The following NUP205 variants were observed in gnomAD, a reference collection of about 807,000 sequenced individuals.
The protein encoded by NUP205 is nuclear pore complex protein Nup205.
Under a neutral mutation model 253.8 loss-of-function variants are expected in NUP205, and 76 were observed. That is an observed-to-expected ratio of 0.30 (90% CI 0.25 to 0.36). The LOEUF (loss-of-function observed/expected upper bound fraction) is 0.36, where lower values mean the gene tolerates loss of function less well. Ranked by LOEUF, NUP205 falls within the 10% of genes least tolerant of loss-of-function variation. The pLI is 1.00. For missense variants in NUP205, 2,162 were observed against 2,425.5 expected (o/e 0.89, Z 2.28); for synonymous variants, 832 against 850.1 (o/e 0.98, Z 0.37).
chr7:135,591,748 T>G, intron 11 of NUP205, 148 bp downstream of exon 11: 1 of 636,614 alleles, frequency 1.6e-6, no homozygotes, highest in Non-Finnish European at 2.7e-6. Context: ...GAAGCATGCA[T>G]ACAGCTTTAT....
Position 135,597,354 on chromosome 7 carries a change from C to T in NUP205, c.2014-14C>T. 6.3e-7 allele frequency: 1 copy of T among 1,599,548 alleles called. No homozygotes were observed. The highest frequency in any genetic ancestry group is 8.6e-7 in the Non-Finnish European group (1 of 1,167,130). On this transcript the variant is annotated splice_polypyrimidine_tract_variant and intron_variant, in intron 13 of 42. Coordinates refer to ENST00000285968, the MANE Select transcript of NUP205 (RefSeq NM_015135.3). Reference sequence around the variant, plus strand: ...TGAGGAATGCTCCTGACATCTACTTCTTACTATTTTAAGATACTGCAGACC... The same window carrying T: ...TGAGGAATGCTCCTGACATCTACTTTTTACTATTTTAAGATACTGCAGACC...
At chr7:135,580,932 T>C (rs902048225) in intron 7 of NUP205, among the ~76,000 whole-genome samples, 1 of 152,154 alleles carries the variant, frequency 6.6e-6, no homozygotes, top group Non-Finnish European at 1.5e-5. Context: ...AAAAATAGGT[T>C]AGGAATCACA....
intron 30 of NUP205, among the ~76,000 whole-genome samples, chr7:135,620,617 T>G (rs1216263774): frequency 2.6e-5 from 4 of 152,246 alleles, no homozygotes; most frequent in Non-Finnish European, 5.9e-5. Context: ...CAATTGTTTC[T>G]AAATTTTTAT....
chr7:135,615,815 C>A, intron 23 of NUP205, 101 bp from the exon 24 acceptor site: 1 of 648,984 alleles, frequency 1.5e-6, no homozygotes, highest in Non-Finnish European at 2.4e-6. Context: ...AAATTATTGA[C>A]TTTGTTACAT....
At chr7:135,616,432 C>G (rs1161509326) in intron 24 of NUP205, among the ~76,000 whole-genome samples, 1 of 152,082 alleles carries the variant, frequency 6.6e-6, no homozygotes, top group Non-Finnish European at 1.5e-5. Flanking sequence ...TGATTATTCT[C>G]TTTACAATTG....
chr7:135,592,913 T>A (rs1350948700), intron 11 of NUP205, 74 bp from the exon 12 acceptor site: 2 of 1,117,786 alleles, frequency 1.8e-6, no homozygotes, highest in Non-Finnish European at 2.7e-6. Context: ...TTGTTTTAAA[T>A]TAATTTTCTC....
At chr7:135,586,923 A>G (rs1224087395) in intron 8 of NUP205, among the ~76,000 whole-genome samples, 2 of 152,206 alleles carry the variant, frequency 1.3e-5, no homozygotes, top group African/African-American at 2.4e-5. Flanking sequence ...ACAAGTGTCA[A>G]TTAAGTCAAG....
rs71174541 is a variant in NUP205, at chr7:135,641,681, AGGATCACCTGAGCCCAGGAGGTTGAGGT to A, written c.5393-1482_5393-1455del. Among the ~76,000 whole-genome samples the A allele has an allele frequency of 2.0e-4, 29 of 146,442 alleles. No homozygotes were observed. The South Asian group carries it at 4.1e-3, about 21-fold the overall frequency. On this transcript the variant is annotated intron_variant, in intron 38 of 42. Coordinates refer to ENST00000285968, the MANE Select transcript of NUP205 (RefSeq NM_015135.3). ...TAGCTACTTGGGAGGCTGAGGTGGG[AGGATCACCTGAGCCCAGGAGGTTGAGGT>A]GGATCACCTGAGCCCAGGAGGTTGA...
At chr7:135,559,609 G>A (rs780751705) in intron 1 of NUP205, among the ~76,000 whole-genome samples, 13 of 151,904 alleles carry the variant, frequency 8.6e-5, no homozygotes, top group South Asian at 4.2e-4. Context: ...GTCCTCAAGC[G>A]ATCTTTCTGC....
In NUP205 at chr7:135,618,508, G is replaced by C; in HGVS notation, c.3868G>C (p.Val1290Leu). 1 of 1,614,134 alleles carries C rather than the reference G, an allele frequency of 6.2e-7. No homozygotes were observed. Among genetic ancestry groups the C allele is most frequent in the Non-Finnish European group, 8.5e-7 (1 of 1,180,004 alleles). Residue 1290 changes from valine (V) to leucine (L), a missense_variant, in exon 28 of 43, where the codon GTA becomes CTA. Physicochemically the swap from Val to Leu is conservative, Grantham distance 32. This residue lies in a region of NUP205 where 1,144 missense variants were observed against 1,280.9 expected (regional missense o/e 0.89). Transcript: ENST00000285968. ...TGCTCTGGAGTCGTGGAGGCAACTA[G>C]TAGAAATTATACTGACAGCTTGTCC... is the stretch of plus-strand genomic sequence containing the variant. ...RHALESWRQLVEIILTACPQD... is the reference protein window; with the variant it reads ...RHALESWRQLLEIILTACPQD...
At chr7:135,631,835 C>T (rs926328785) in intron 35 of NUP205, among the ~76,000 whole-genome samples, 2 of 151,598 alleles carry the variant, frequency 1.3e-5, no homozygotes, top group African/African-American at 4.9e-5. Context: ...CTGCAAGCTC[C>T]GCCTCCCCGA....
Position 135,645,883 on chromosome 7 carries a change from A to T in NUP205, c.5813-275A>T, listed in dbSNP as rs1439475180. 6.9e-6 allele frequency: 4 copies of T among 576,054 alleles called. No individual in the cohort carries two copies. The South Asian group carries it at 9.0e-5, about 13-fold the overall frequency. 35.7% of individuals were successfully genotyped at this position (576,054 alleles called of 1,614,324 possible). A position where few individuals can be genotyped will look rare whatever the true frequency, so the allele number is the denominator to read the frequency against. ...AGAAGAATGGAGGAGGTCTGCTATT[A>T]TGCTGATTCTTATTGCTGGAGTGGG... On this transcript the variant is annotated intron_variant, in intron 41 of 42. Transcript: ENST00000285968.
chr7:135,621,730 A>T (rs934136725), intron 30 of NUP205, among the ~76,000 whole-genome samples: 2 of 152,202 alleles, frequency 1.3e-5, no homozygotes, highest in South Asian at 4.1e-4. Flanking sequence ...AAAAAAGAAT[A>T]AAAATATCTG....
Position 135,619,607 on chromosome 7 carries a change from A to T in NUP205, c.4148A>T (p.Asn1383Ile). The T allele has an allele frequency of 1.2e-6, 2 of 1,614,114 alleles. No individual in the cohort carries two copies. The highest frequency in any genetic ancestry group is 2.2e-5 in the East Asian group (1 of 44,890). Residue 1383 changes from asparagine (N) to isoleucine (I), a missense_variant, in exon 29 of 43, where the codon AAC becomes ATC. By Grantham distance (149) the Asn-to-Ile change is moderately radical. This residue lies in a region of NUP205 where 1,144 missense variants were observed against 1,280.9 expected (regional missense o/e 0.89). Coordinates refer to ENST00000285968, the MANE Select transcript of NUP205 (RefSeq NM_015135.3). ...SCFTSPPPEENPLVGFASIGD... is the reference protein window; with the variant it reads ...SCFTSPPPEEIPLVGFASIGD... ...TTCACCTCACCTCCTCCTGAAGAGA[A>T]CCCATTAGTGGGTTTTGCTTCTATT... is the stretch of plus-strand genomic sequence containing the variant.
rs189977939 is a variant in NUP205, at chr7:135,630,611, T to C, written c.5059+141T>C. ...GCTAACAGAGCCTTTATTTATGTAA[T>C]AAGTTTATGTTTATAAAATGATACA... On this transcript the variant is annotated intron_variant, in intron 35 of 42. Coordinates refer to ENST00000285968, the MANE Select transcript of NUP205 (RefSeq NM_015135.3). 25 of 612,878 alleles carry C rather than the reference T, an allele frequency of 4.1e-5. No homozygotes were observed. In the African/African-American group the frequency reaches 4.8e-4, roughly 12 times the overall value. The allele number at this position is 612,878 out of a possible 1,614,324, so 38.0% of individuals were successfully genotyped here.
Position 135,625,189 on chromosome 7 carries a change from G to C in NUP205, c.4505G>C (p.Arg1502Thr). ...ATGCTGGCCCTGGCTCTACTTGATA[G>C]AATTGTCTCCGTGGATAAACAGCAG... is the stretch of plus-strand genomic sequence containing the variant. ...GRMLALALLD[R>T]IVSVDKQQQW... is the part of the protein sequence containing the mutation. Residue 1502 changes from arginine (R) to threonine (T), a missense_variant, in exon 32 of 43, where the codon AGA (arginine) becomes ACA (threonine). This residue lies in a region of NUP205 where 1,144 missense variants were observed against 1,280.9 expected (regional missense o/e 0.89). Coordinates refer to ENST00000285968, the MANE Select transcript of NUP205 (RefSeq NM_015135.3). The C allele has an allele frequency of 6.2e-7, 1 of 1,613,534 alleles. No individual in the cohort carries two copies. The highest frequency in any genetic ancestry group is 8.5e-7 in the Non-Finnish European group (1 of 1,179,876).
intron 8 of NUP205, among the ~76,000 whole-genome samples, chr7:135,585,671 T>A (rs1461544759): frequency 2.0e-5 from 3 of 151,898 alleles, no homozygotes; most frequent in Non-Finnish European, 4.4e-5. Context: ...CCTGCCACAG[T>A]CTCCCAAGTA....
chr7:135,597,215 A>C, intron 13 of NUP205, 153 bp from the exon 14 acceptor site: 4 of 505,078 alleles, frequency 7.9e-6, no homozygotes, highest in Non-Finnish European at 1.1e-5. Context: ...TGCTAATGAA[A>C]GTCCATCCAG....
chr7:135,648,741 T>TA lies in NUP205; in HGVS notation c.*192dup, dbSNP rs145730110. 0.026 allele frequency: 10,105 copies of TA among 390,492 alleles called. 316 individuals are homozygous for TA. Among genetic ancestry groups the TA allele is most frequent in the African/African-American group, 0.098 (4,737 of 48,404 alleles). 24.2% of individuals were successfully genotyped at this position (390,492 alleles called of 1,614,324 possible). On this transcript the variant is annotated 3_prime_UTR_variant, in exon 43 of 43. Coordinates refer to ENST00000285968, the MANE Select transcript of NUP205 (RefSeq NM_015135.3). ...TCACTAGTAAAAAATAAATACTTTT[T>TA]AAAAAAACAAAACAAATGTATGGTT... is the stretch of plus-strand genomic sequence containing the variant.
Sources: gnomAD v4.1 joint callset for allele counts (sites outside exome capture counted in the v4.1 genomes callset) on GRCh38, gnomAD v4.1.1 for gene constraint, gnomAD v4.1.1 regional missense constraint, MANE v1.5 for transcripts, NCBI Gene and HGNC (gene_info 2026-07-23, HGNC 2026-07-21) for gene names.